LHFPL3: variants seen among roughly 807,000 people sequenced by gnomAD.
LHFPL3 encodes LHFPL tetraspan subfamily member 3.
In LHFPL3, 5 loss-of-function variants were observed where a neutral mutation model predicts 19.3. That is an observed-to-expected ratio of 0.26 (90% confidence interval 0.14 to 0.54). LHFPL3 has a LOEUF of 0.54. Among genes scored for constraint, LHFPL3 ranks in the 20% least tolerant of loss-of-function variants. LHFPL3 has a pLI of 0.94. For synonymous variants in LHFPL3, 133 were observed against 126.2 expected, an observed-to-expected ratio of 1.05 and a Z score of -0.36; for missense variants, 249 against 307.4, an observed-to-expected ratio of 0.81 and a Z score of 1.42.
intron 1 of LHFPL3, among the ~76,000 whole-genome samples, chr7:104,379,292 T>TG (rs894973807): frequency 3.3e-5 from 5 of 152,154 alleles, no homozygotes; most frequent in East Asian, 1.9e-4. Context: ...AGAGGTAATT[T>TG]GGGGGAACAG....
At chr7:104,450,958 T>C (rs753329093) in intron 1 of LHFPL3, among the ~76,000 whole-genome samples, 6 of 152,138 alleles carry the variant, frequency 3.9e-5, no homozygotes, top group South Asian at 4.1e-4. Context: ...AGAGTGGAAA[T>C]GAATGGATGT....
chr7:104,640,615 A>G (rs890527778), intron 1 of LHFPL3, among the ~76,000 whole-genome samples: 4 of 152,222 alleles, frequency 2.6e-5, no homozygotes, highest in African/African-American at 9.6e-5. Flanking sequence ...AGAATGATTT[A>G]TAGTCCTCTG....
chr7:104,582,790 T>A (rs1385624160), intron 1 of LHFPL3, among the ~76,000 whole-genome samples: 1 of 151,876 alleles, frequency 6.6e-6, no homozygotes, highest in African/African-American at 2.4e-5. Flanking sequence ...AAAAACCCAA[T>A]ATGGTTATAA....
chr7:104,742,986 T>G (rs1045114697), intron 2 of LHFPL3, among the ~76,000 whole-genome samples: 4 of 152,058 alleles, frequency 2.6e-5, no homozygotes, highest in African/African-American at 9.7e-5. Context: ...CTGGGCATGG[T>G]GGTGGGCACC....
chr7:104,405,649 C>T lies in LHFPL3; in HGVS notation c.445+76425C>T, dbSNP rs187742100. ...TAACAGTAGATTCAGGATTCAAATT[C>T]AGACTGTTTAAAATCAAAGTCTATG... On this transcript the variant is annotated intron_variant, in intron 1 of 2. Coordinates refer to ENST00000424859, the MANE Select transcript of LHFPL3 (RefSeq NM_199000.3). 1.9e-3 allele frequency among the ~76,000 whole-genome samples: 289 copies of T among 152,298 alleles called. 1 individual carries two copies. Among genetic ancestry groups the T allele is most frequent in the African/African-American group, 6.6e-3 (273 of 41,568 alleles).
chr7:104,383,492 G>A (rs184502185), intron 1 of LHFPL3, among the ~76,000 whole-genome samples: 66 of 152,318 alleles, frequency 4.3e-4, no homozygotes, highest in Admixed American at 9.8e-4. Context: ...GGTTTAACAA[G>A]TTTTGCCCTG....
chr7:104,810,337 A>G (rs1365523711), intron 2 of LHFPL3, among the ~76,000 whole-genome samples: 1 of 152,180 alleles, frequency 6.6e-6, no homozygotes, highest in Non-Finnish European at 1.5e-5. Flanking sequence ...AATCAAATTG[A>G]AAAAGCAAGA....
intron 1 of LHFPL3, among the ~76,000 whole-genome samples, chr7:104,396,182 T>C (rs1306843645): frequency 6.6e-6 from 1 of 152,230 alleles, no homozygotes; most frequent in Non-Finnish European, 1.5e-5. Flanking sequence ...CCAACTGTCT[T>C]GTACCTATTC....
intron 1 of LHFPL3, chr7:104,668,455 G>T (rs1554422364): frequency 3.1e-6 from 5 of 1,611,364 alleles, no homozygotes; most frequent in Middle Eastern, 1.8e-4. Context: ...TATCGGGATG[G>T]GTATCGGGAT....
rs2115830758 is a variant in LHFPL3, at chr7:104,526,842, C to T, written c.445+197618C>T. 2.0e-5 allele frequency among the ~76,000 whole-genome samples: 3 copies of T among 152,292 alleles called. 1 individual carries two copies. Among genetic ancestry groups the T allele is most frequent in the African/African-American group, 4.8e-5 (2 of 41,568 alleles). ...TAGGGTACCTATTAAATGAAAGACCCTATTCCAATAATGAAGAAGATGTTC... is the reference window on the plus strand; with the variant it reads ...TAGGGTACCTATTAAATGAAAGACCTTATTCCAATAATGAAGAAGATGTTC... On this transcript the variant is annotated intron_variant, in intron 1 of 2. Transcript: ENST00000424859.
chr7:104,862,195 CAT>C (rs936543112), intron 2 of LHFPL3, among the ~76,000 whole-genome samples: 1 of 152,108 alleles, frequency 6.6e-6, no homozygotes, highest in African/African-American at 2.4e-5. Flanking sequence ...CCCAAAATGC[CAT>C]AGTCTGCCAC....
intron 2 of LHFPL3, among the ~76,000 whole-genome samples, chr7:104,831,713 C>CAA (rs74477288): frequency 1.3e-5 from 2 of 151,388 alleles, no homozygotes; most frequent in African/African-American, 4.9e-5. Context: ...TTCACACACA[C>CAA]AAAAAAAAGA....
chr7:104,703,912 C>T (rs1793143498), intron 1 of LHFPL3, among the ~76,000 whole-genome samples: 1 of 152,146 alleles, frequency 6.6e-6, no homozygotes, highest in Non-Finnish European at 1.5e-5. Flanking sequence ...TACCTTAGCT[C>T]CCCCACAGTT....
intron 1 of LHFPL3, among the ~76,000 whole-genome samples, chr7:104,417,857 A>ATTC (rs1205200413): frequency 0.015 from 1,910 of 125,556 alleles, 48 homozygotes; most frequent in African/African-American, 0.04. Context: ...TTCTTTTCTA[A>ATTC]TTCTTCTTCT....
chr7:104,867,947 C>T (rs111615551), intron 2 of LHFPL3, among the ~76,000 whole-genome samples: 2 of 152,138 alleles, frequency 1.3e-5, no homozygotes, highest in Non-Finnish European at 2.9e-5. Context: ...TAAACATAAT[C>T]CAGCATATAA....
intron 1 of LHFPL3, among the ~76,000 whole-genome samples, chr7:104,650,303 A>G (rs1347557954): frequency 6.6e-6 from 1 of 152,220 alleles, no homozygotes; most frequent in African/African-American, 2.4e-5. Context: ...TGGTGCACAC[A>G]TCCCTGGCAG....
At chr7:104,880,559 A>G (rs1016536815) in intron 2 of LHFPL3, among the ~76,000 whole-genome samples, 1 of 152,100 alleles carries the variant, frequency 6.6e-6, no homozygotes, top group Non-Finnish European at 1.5e-5. Flanking sequence ...ATTATTCTAA[A>G]TCTACTCTGC....
intron 1 of LHFPL3, among the ~76,000 whole-genome samples, chr7:104,376,633 A>G (rs1362888207): frequency 2.6e-5 from 4 of 152,182 alleles, no homozygotes; most frequent in Admixed American, 6.5e-5. Flanking sequence ...TTTTCACTCT[A>G]TGAAAGCTTT....
chr7:104,511,944 C>CTTTTTTTTTT (rs58712044), intron 1 of LHFPL3, among the ~76,000 whole-genome samples: 4 of 111,984 alleles, frequency 3.6e-5, no homozygotes, highest in Admixed American at 2.1e-4. Flanking sequence ...CTTTCCTTTT[C>CTTTTTTTTTT]TTTTTTTTTT....
Sources: allele counts gnomAD v4.1 joint callset (sites outside exome capture counted in the v4.1 genomes callset), GRCh38; gene constraint gnomAD v4.1.1; transcripts MANE v1.5; gene names NCBI Gene and HGNC (gene_info 2026-07-23, HGNC 2026-07-21).